Variants in MMP26 observed in about 807,000 individuals in gnomAD.
The protein encoded by MMP26 is matrix metallopeptidase 26.
MMP26 carries 33 observed loss-of-function variants against 31.0 expected under a neutral mutation model. The observed-to-expected ratio is 1.06, with a 90% CI of 0.81 to 1.42. The LOEUF (loss-of-function observed/expected upper bound fraction) is 1.42, where lower values mean the gene tolerates loss of function less well. Ranked by LOEUF, MMP26 falls within the 40% of genes most tolerant of loss-of-function variation. The pLI, the probability that MMP26 is intolerant of heterozygous loss-of-function variation, is 0.00. For synonymous variants in MMP26, 122 were observed against 114.9 expected (o/e 1.06, Z -0.40); for missense variants, 347 against 316.1 (o/e 1.10, Z -0.74).
chr11:4,826,165 G>T (rs1171647227), intron 2 of MMP26, among the ~76,000 whole-genome samples: 1 of 152,070 alleles, frequency 6.6e-6, no homozygotes, highest in Non-Finnish European at 1.5e-5. Flanking sequence ...TGCAGGAAAG[G>T]CCTTCCGTAA....
chr11:4,744,239 T>C (rs1371646772), intron 1 of MMP26, among the ~76,000 whole-genome samples: 1 of 152,184 alleles, frequency 6.6e-6, no homozygotes, highest in African/African-American at 2.4e-5. Flanking sequence ...TTTATGGACA[T>C]TTTCAGAATG....
At chr11:4,968,716 T>C (rs973441964) in intron 2 of MMP26, among the ~76,000 whole-genome samples, 5 of 151,980 alleles carry the variant, frequency 3.3e-5, no homozygotes, top group Non-Finnish European at 5.9e-5. Flanking sequence ...TTTGTCATTT[T>C]TGTCTTGCAT....
At chr11:4,832,766 T>A (rs1849663626) in intron 2 of MMP26, 2 of 170,294 alleles carry the variant, frequency 1.2e-5, no homozygotes, top group African/African-American at 4.8e-5. Context: ...TCAGACAGTG[T>A]TTTTATTGCT....
intron 2 of MMP26, chr11:4,847,505 TA>T (rs1849889171): frequency 6.6e-6 from 1 of 152,226 alleles, no homozygotes; most frequent in East Asian, 1.9e-4. Context: ...TAATTATGCA[TA>T]GTCATAGTGA....
At chr11:4,745,066 T>C (rs184502500) in intron 1 of MMP26, among the ~76,000 whole-genome samples, 8 of 152,316 alleles carry the variant, frequency 5.3e-5, no homozygotes, top group Admixed American at 3.3e-4. Flanking sequence ...TGACTTGCTA[T>C]GACTTATTAA....
At chr11:4,820,338 A>G (rs1230601898) in intron 2 of MMP26, among the ~76,000 whole-genome samples, 2 of 152,210 alleles carry the variant, frequency 1.3e-5, no homozygotes, top group African/African-American at 4.8e-5. Context: ...CATATTATGG[A>G]TATGAAGATA....
intron 2 of MMP26, chr11:4,882,557 T>A: frequency 6.2e-7 from 1 of 1,613,934 alleles, no homozygotes; most frequent in Non-Finnish European, 8.5e-7. Flanking sequence ...TCTTTTCTCC[T>A]ATGTCCTGAT....
intron 2 of MMP26, among the ~76,000 whole-genome samples, chr11:4,987,255 T>C (rs907764992): frequency 1.3e-5 from 2 of 152,164 alleles, no homozygotes; most frequent in South Asian, 4.1e-4. Flanking sequence ...TCTATACATA[T>C]ACATAAACAT....
chr11:4,846,448 A>G (rs1189339071), intron 2 of MMP26, among the ~76,000 whole-genome samples: 1 of 152,202 alleles, frequency 6.6e-6, no homozygotes, highest in African/African-American at 2.4e-5. Flanking sequence ...GTTAATGGGT[A>G]TAAAAAATAA....
intron 2 of MMP26, among the ~76,000 whole-genome samples, chr11:4,888,971 A>T (rs938667863): frequency 2.6e-5 from 4 of 152,190 alleles, no homozygotes; most frequent in African/African-American, 9.6e-5. Context: ...AAGGGAGTAC[A>T]ATCCCTGCTT....
intron 2 of MMP26, chr11:4,769,467 T>C (rs1848681392): frequency 3.7e-6 from 6 of 1,613,418 alleles, no homozygotes; most frequent in African/African-American, 1.3e-5. Context: ...GCACGTGTAA[T>C]CATCAGAAGA....
At chr11:4,840,628 T>C (rs1849781049) in intron 2 of MMP26, among the ~76,000 whole-genome samples, 1 of 152,240 alleles carries the variant, frequency 6.6e-6, no homozygotes, top group African/African-American at 2.4e-5. Context: ...GGCTTGGGGT[T>C]ACCCCTAAAG....
intron 2 of MMP26, among the ~76,000 whole-genome samples, chr11:4,890,923 T>C (rs577739267): frequency 4.5e-4 from 67 of 150,360 alleles, no homozygotes; most frequent in Non-Finnish European, 8.0e-4. Flanking sequence ...CAATGACAAA[T>C]TGTATAGAGT....
intron 2 of MMP26, among the ~76,000 whole-genome samples, chr11:4,938,825 T>G (rs1363641006): frequency 2.0e-5 from 3 of 152,006 alleles, no homozygotes; most frequent in Non-Finnish European, 4.4e-5. Flanking sequence ...AGTTCATAAT[T>G]ACATGATCTT....
intron 2 of MMP26, among the ~76,000 whole-genome samples, chr11:4,862,592 T>C (rs1850177745): frequency 6.6e-6 from 1 of 152,134 alleles, no homozygotes. Context: ...CTCACCTAGG[T>C]ACTTGTGAGA....
At position 4,907,374 on chromosome 11, in the gene MMP26, CT is replaced by C. The variant is rs1216920292; in HGVS notation, c.-144-80693del. 4.4e-6 allele frequency: 7 copies of C among 1,606,278 alleles called. No homozygotes were observed. In the Admixed American group the frequency reaches 5.0e-5, roughly 11 times the overall value. ...CGAGCTCATATCTCCCTCATTATGT[CT>C]GTTCTCAATAACTCCGAAGTCAAGC... On this transcript the variant is annotated intron_variant, in intron 2 of 7. Transcript: ENST00000380390.
intron 2 of MMP26, among the ~76,000 whole-genome samples, chr11:4,839,456 AG>A (rs1039480779): frequency 3.3e-5 from 5 of 150,940 alleles, no homozygotes; most frequent in African/African-American, 1.2e-4. Flanking sequence ...GAGAGGAGAG[AG>A]AAAAGTAGGA....
chr11:4,721,681 A>C (rs753184935), intron 1 of MMP26, among the ~76,000 whole-genome samples: 1 of 152,022 alleles, frequency 6.6e-6, no homozygotes, highest in South Asian at 2.1e-4. Context: ...CATTATTTTC[A>C]CTGTCATCTT....
intron 1 of MMP26, among the ~76,000 whole-genome samples, chr11:4,755,113 A>T (rs1355373817): frequency 6.6e-6 from 1 of 151,968 alleles, no homozygotes. Flanking sequence ...TAGTTCACAC[A>T]CCATGTCGCT....
Sources: gnomAD v4.1 joint callset for allele counts (sites outside exome capture counted in the v4.1 genomes callset) on GRCh38, gnomAD v4.1.1 for gene constraint, MANE v1.5 for transcripts, NCBI Gene and HGNC (gene_info 2026-07-23, HGNC 2026-07-21) for gene names.